Variants in MAML3 observed in about 807,000 individuals in gnomAD.
MAML3 encodes the protein mastermind like transcriptional coactivator 3.
Under a neutral mutation model 101.9 loss-of-function variants are expected in MAML3, and 27 were observed. The observed-to-expected ratio is 0.27, with a 90% CI of 0.20 to 0.37. The LOEUF is 0.37. MAML3 is among the 10% of genes least tolerant of loss of function. MAML3 has a pLI of 1.00. For synonymous variants in MAML3, 501 were observed against 555.9 expected (o/e 0.90, Z 1.39); for missense variants, 1,316 against 1,444.9 (o/e 0.91, Z 1.45).
At chr4:139,800,744 G>GA (rs1400964543) in intron 2 of MAML3, among the ~76,000 whole-genome samples, 1 of 152,218 alleles carries the variant, frequency 6.6e-6, no homozygotes, top group Non-Finnish European at 1.5e-5. Context: ...AAATATGGCA[G>GA]ACTAGCTTTA....
intron 1 of MAML3, among the ~76,000 whole-genome samples, chr4:139,961,191 A>G (rs1734007804): frequency 6.6e-6 from 1 of 152,134 alleles, no homozygotes; most frequent in Non-Finnish European, 1.5e-5. Context: ...TGCCTCTGCA[A>G]TTTTGCCTGT....
At chr4:139,752,313 A>G (rs1729525150) in intron 2 of MAML3, among the ~76,000 whole-genome samples, 1 of 152,232 alleles carries the variant, frequency 6.6e-6, no homozygotes, top group Non-Finnish European at 1.5e-5. Context: ...CTTAGGATCA[A>G]TGAGATATGG....
chr4:140,153,481 A>AAAGG lies in MAML3; in HGVS notation c.-155_-154insCCTT. ...CGGCGATCCCGACGGGGCGAAAAAAACGGGGGGGGAGATTTTGGGGTGGTT... is the reference window on the plus strand; with the variant it reads ...CGGCGATCCCGACGGGGCGAAAAAAAAAGGCGGGGGGGGAGATTTTGGGGTGGTT... On this transcript the variant is annotated 5_prime_UTR_variant, in exon 1 of 5. Transcript: ENST00000509479. The AAAGG allele has an allele frequency of 1.3e-6, 1 of 783,684 alleles. No individual in the cohort carries two copies. The highest frequency in any genetic ancestry group is 4.7e-5 in the Admixed American group (1 of 21,268). 48.5% of individuals were successfully genotyped at this position (783,684 alleles called of 1,614,324 possible).
chr4:140,039,567 C>A (rs888398304), intron 1 of MAML3, among the ~76,000 whole-genome samples: 1 of 152,192 alleles, frequency 6.6e-6, no homozygotes, highest in African/African-American at 2.4e-5. Flanking sequence ...CTCCTCTTGA[C>A]CCCCATAGCA....
intron 2 of MAML3, chr4:139,731,435 TAAAAAAAAAAAAAAAAA>T (rs70943437): frequency 1.8e-4 from 7 of 38,718 alleles, no homozygotes; most frequent in East Asian, 9.3e-4. Flanking sequence ...CTGTCTCTAC[TAAAAAAAAAAAAAAAAA>T]AAAAAAAAAA....
At chr4:140,004,567 G>A (rs1179324935) in intron 1 of MAML3, among the ~76,000 whole-genome samples, 3 of 152,172 alleles carry the variant, frequency 2.0e-5, no homozygotes, top group South Asian at 2.1e-4. Context: ...GTAGTGAGGA[G>A]AGAAAGAAAG....
intron 1 of MAML3, among the ~76,000 whole-genome samples, chr4:140,095,773 C>A (rs1458689790): frequency 6.6e-6 from 1 of 152,142 alleles, no homozygotes; most frequent in Non-Finnish European, 1.5e-5. Flanking sequence ...TCCTACCCCG[C>A]CACAGGAAGC....
chr4:139,805,878 C>T (rs1428579249), intron 2 of MAML3, among the ~76,000 whole-genome samples: 1 of 151,868 alleles, frequency 6.6e-6, no homozygotes, highest in Non-Finnish European at 1.5e-5. Context: ...TAGTTCAATG[C>T]AAGAGAAATG....
At chr4:139,986,065 A>T (rs146996469) in intron 1 of MAML3, among the ~76,000 whole-genome samples, 1,696 of 152,360 alleles carry the variant, frequency 0.011, 16 homozygotes, top group Non-Finnish European at 0.018. Context: ...CTCTATGGAA[A>T]GCAGGGTCAG....
intron 2 of MAML3, among the ~76,000 whole-genome samples, chr4:139,829,154 AGAAG>A (rs891003125): frequency 4.0e-5 from 6 of 149,672 alleles, no homozygotes; most frequent in African/African-American, 1.5e-4. Context: ...GAGGAAGGAA[AGAAG>A]GAAGGAAGCA....
At chr4:139,863,580 C>T (rs1055787312) in intron 2 of MAML3, among the ~76,000 whole-genome samples, 1 of 151,962 alleles carries the variant, frequency 6.6e-6, no homozygotes, top group African/African-American at 2.4e-5. Context: ...GAACTCCTGA[C>T]CTTAGGTGAT....
At chr4:140,009,517 C>A (rs1726514126) in intron 1 of MAML3, among the ~76,000 whole-genome samples, 1 of 152,156 alleles carries the variant, frequency 6.6e-6, no homozygotes, top group South Asian at 2.1e-4. Flanking sequence ...ATTAACCATG[C>A]TGACCAATGT....
At chr4:140,061,701 G>A (rs1727450273) in intron 1 of MAML3, among the ~76,000 whole-genome samples, 1 of 152,198 alleles carries the variant, frequency 6.6e-6, no homozygotes, top group Admixed American at 6.5e-5. Flanking sequence ...GAGGAAGGCT[G>A]TTGCTTCTCT....
chr4:139,775,613 G>A (rs1020733063), intron 2 of MAML3, among the ~76,000 whole-genome samples: 1 of 152,060 alleles, frequency 6.6e-6, no homozygotes, highest in African/African-American at 2.4e-5. Context: ...GGAAAATAGG[G>A]GGCAGTTTGC....
intron 1 of MAML3, among the ~76,000 whole-genome samples, chr4:140,126,340 T>C (rs1052067917): frequency 3.3e-5 from 5 of 152,102 alleles, no homozygotes; most frequent in Non-Finnish European, 4.4e-5. Flanking sequence ...ATACGTTTCA[T>C]CCACTGCCTC....
chr4:139,933,641 C>T (rs914603325), intron 1 of MAML3, among the ~76,000 whole-genome samples: 1 of 152,174 alleles, frequency 6.6e-6, no homozygotes, highest in Non-Finnish European at 1.5e-5. Context: ...GGGCCTGATG[C>T]CAGCAACATG....
chr4:139,982,547 A>T (rs1423014247), intron 1 of MAML3, among the ~76,000 whole-genome samples: 1 of 152,188 alleles, frequency 6.6e-6, no homozygotes, highest in African/African-American at 2.4e-5. Flanking sequence ...GAATATATAC[A>T]TGAATGCTAA....
At chr4:139,784,475 C>G (rs1260783875) in intron 2 of MAML3, among the ~76,000 whole-genome samples, 4 of 152,106 alleles carry the variant, frequency 2.6e-5, no homozygotes, top group African/African-American at 9.7e-5. Context: ...CTTTACCCAC[C>G]CCTCTTCTCT....
rs116829905 is a variant in MAML3 at position 140,048,993 on chromosome 4, A to C, written c.468+103867T>G. Among the ~76,000 whole-genome samples, 1,480 of 152,326 alleles carry C rather than the reference A, an allele frequency of 9.7e-3. 13 individuals are homozygous for C. Among genetic ancestry groups the C allele is most frequent in the Non-Finnish European group, 0.015 (1,035 of 68,028 alleles). The stretch of plus-strand genomic sequence containing the variant: ...TGTGGGGATTCAAAGATTCATAGCA[A>C]GAGAGAAAGAAAAAGAGAGAGGAGC... On this transcript the variant is annotated intron_variant, in intron 1 of 4. Coordinates refer to ENST00000509479, the MANE Select transcript of MAML3 (RefSeq NM_018717.5).
Sources: gnomAD v4.1 joint callset for allele counts (sites outside exome capture counted in the v4.1 genomes callset) on GRCh38, gnomAD v4.1.1 for gene constraint, MANE v1.5 for transcripts, NCBI Gene and HGNC (gene_info 2026-07-23, HGNC 2026-07-21) for gene names.